The following RUNX2 variants were observed in gnomAD, a reference collection of about 807,000 sequenced individuals.
The protein encoded by RUNX2 is RUNX family transcription factor 2.
RUNX2 carries 10 observed loss-of-function variants against 51.7 expected under a neutral mutation model. The ratio of observed to expected loss-of-function variants is 0.19; its 90% CI spans 0.12 to 0.33. RUNX2 has a LOEUF of 0.33. Ranked by LOEUF, RUNX2 falls within the 10% of genes least tolerant of loss-of-function variation. The pLI is 1.00. For missense variants in RUNX2, 562 were observed against 691.3 expected, an observed-to-expected ratio of 0.81 and a Z score of 2.10; for synonymous variants, 276 against 273.6, an observed-to-expected ratio of 1.01 and a Z score of -0.09.
At chr6:45,331,370 G>A (rs995792774) in intron 2 of RUNX2, among the ~76,000 whole-genome samples, 7 of 151,920 alleles carry the variant, frequency 4.6e-5, no homozygotes, top group African/African-American at 1.4e-4. Context: ...GCTTGAACAT[G>A]ATGTGTGAAC....
At chr6:45,454,845 G>C (rs901029150) in intron 5 of RUNX2, among the ~76,000 whole-genome samples, 1 of 152,214 alleles carries the variant, frequency 6.6e-6, no homozygotes, top group African/African-American at 2.4e-5. Context: ...CGGGCATGCT[G>C]GCTCATGCCT....
At chr6:45,430,406 T>C (rs992332660) in intron 3 of RUNX2, among the ~76,000 whole-genome samples, 5 of 152,090 alleles carry the variant, frequency 3.3e-5, no homozygotes, top group East Asian at 3.9e-4. Flanking sequence ...CAGTACTAAA[T>C]GGAAGGAATG....
chr6:45,452,653 T>TACACAC (rs557163111), intron 5 of RUNX2, among the ~76,000 whole-genome samples: 1 of 151,886 alleles, frequency 6.6e-6, no homozygotes, highest in Non-Finnish European at 1.5e-5. Context: ...ACAAAGCATG[T>TACACAC]ACACACACAC....
At chr6:45,457,272 C>T (rs537755773) in intron 5 of RUNX2, among the ~76,000 whole-genome samples, 23 of 152,168 alleles carry the variant, frequency 1.5e-4, no homozygotes, top group African/African-American at 5.5e-4. Flanking sequence ...GCAGCTTGTT[C>T]ATTACTAAGG....
At chr6:45,541,966 A>C (rs1391959123) in intron 7 of RUNX2, among the ~76,000 whole-genome samples, 1 of 152,164 alleles carries the variant, frequency 6.6e-6, no homozygotes, top group Non-Finnish European at 1.5e-5. Context: ...TCAAATGTCA[A>C]ACAGGTGTGA....
chr6:45,538,466 A>G (rs1802108638), intron 7 of RUNX2, among the ~76,000 whole-genome samples: 1 of 152,096 alleles, frequency 6.6e-6, no homozygotes, highest in Non-Finnish European at 1.5e-5. Context: ...CTGATTTAAG[A>G]TAAGATTACC....
rs185784557 is a variant in RUNX2, at chr6:45,328,638, T to G, written c.-66-23T>G. 11 of 1,610,184 alleles carry G rather than the reference T, an allele frequency of 6.8e-6. No homozygotes were observed. In the African/African-American group the frequency reaches 1.5e-4, roughly 22 times the overall value. On this transcript the variant is annotated intron_variant, in intron 1 of 8. Transcript: ENST00000647337. ...GCATACTGTAAAACTAAAACAAGGT[T>G]TGGGTATGGTTTGTATTTTCAGTTT...
chr6:45,443,114 A>T (rs1193276969), intron 5 of RUNX2, among the ~76,000 whole-genome samples: 1 of 138,786 alleles, frequency 7.2e-6, no homozygotes, highest in African/African-American at 2.8e-5. Context: ...TGCCATGATC[A>T]TAGCTAACTC....
intron 3 of RUNX2, among the ~76,000 whole-genome samples, chr6:45,430,057 G>A (rs1387231077): frequency 6.6e-6 from 1 of 151,042 alleles, no homozygotes; most frequent in East Asian, 2.0e-4. Flanking sequence ...TCGTGCCACT[G>A]CACTCTAGCC....
intron 2 of RUNX2, among the ~76,000 whole-genome samples, chr6:45,346,823 C>A (rs186618293): frequency 1.3e-5 from 2 of 152,056 alleles, no homozygotes; most frequent in Non-Finnish European, 2.9e-5. Context: ...CCTTGGCCCC[C>A]CAAAGTGCTA....
At position 45,544,918 on chromosome 6, in the gene RUNX2, G is replaced by C. The variant is rs115553707; in HGVS notation, c.1022-299G>C. ...AAGCTTGTCAGAATTTCGTTTTTGG[G>C]AGGAATAGGTAGAGGCTAGTTGAGG... On this transcript the variant is annotated intron_variant, in intron 7 of 8. Coordinates refer to ENST00000647337, the MANE Select transcript of RUNX2 (RefSeq NM_001024630.4). Among the ~76,000 whole-genome samples, 2,312 of 152,292 alleles carry C rather than the reference G, an allele frequency of 0.015. 56 individuals carry two copies. The highest frequency in any genetic ancestry group is 0.052 in the African/African-American group (2,167 of 41,546).
chr6:45,512,202 G>A (rs1801176021), intron 6 of RUNX2, 44 bp from the exon 7 acceptor site: 1 of 1,601,284 alleles, frequency 6.2e-7, no homozygotes, highest in East Asian at 2.2e-5. Context: ...TTCTAAGGCT[G>A]CAATGGTTGC....
At chr6:45,376,835 C>G (rs543313812) in intron 2 of RUNX2, among the ~76,000 whole-genome samples, 61 of 151,862 alleles carry the variant, frequency 4.0e-4, no homozygotes, top group African/African-American at 1.4e-3. Flanking sequence ...ACCCCAGGTC[C>G]TCTCCTTCCA....
chr6:45,415,998 A>G (rs1378678293), intron 2 of RUNX2, among the ~76,000 whole-genome samples: 3 of 152,252 alleles, frequency 2.0e-5, no homozygotes, highest in Non-Finnish European at 4.4e-5. Flanking sequence ...AAGATGAGTC[A>G]TTGCTTTTAG....
chr6:45,543,626 T>C (rs960936201), intron 7 of RUNX2, among the ~76,000 whole-genome samples: 3 of 152,204 alleles, frequency 2.0e-5, no homozygotes, highest in African/African-American at 7.2e-5. Flanking sequence ...GTCAAACTTA[T>C]ATTTTGCTTA....
In RUNX2 at chr6:45,547,079, A is replaced by C; in HGVS notation, c.1340A>C (p.Tyr447Ser). The C allele has an allele frequency of 1.2e-6, 2 of 1,614,004 alleles. No homozygotes were observed. The change falls in exon 9 of 9, where the codon TAT becomes TCT. Residue 447 changes from tyrosine (Y) to serine (S), a missense_variant. This residue lies in a region of RUNX2 where 304 missense variants were observed against 353.2 expected (regional missense o/e 0.86). Coordinates refer to ENST00000647337, the MANE Select transcript of RUNX2 (RefSeq NM_001024630.4). ...FQTSSTPYLY[Y>S]GTSSGSYQFP... ...ACCAGCAGCACTCCATATCTCTACTATGGCACTTCGTCAGGATCCTATCAG... is the reference window on the plus strand; with the variant it reads ...ACCAGCAGCACTCCATATCTCTACTCTGGCACTTCGTCAGGATCCTATCAG...
intron 2 of RUNX2, among the ~76,000 whole-genome samples, chr6:45,394,398 A>C (rs1797539496): frequency 6.6e-6 from 1 of 152,176 alleles, no homozygotes; most frequent in Non-Finnish European, 1.5e-5. Flanking sequence ...AGCCATATCA[A>C]ATGTCCTCTA....
At chr6:45,370,009 GTT>G (rs1359865999) in intron 2 of RUNX2, among the ~76,000 whole-genome samples, 1 of 152,108 alleles carries the variant, frequency 6.6e-6, no homozygotes, top group Non-Finnish European at 1.5e-5. Flanking sequence ...GGCCACAGGA[GTT>G]TACATTTCAC....
Position 45,493,528 on chromosome 6 carries a change from T to G in RUNX2, c.859+1414T>G, listed in dbSNP as rs1582170722. Among the ~76,000 whole-genome samples, 4 of 152,038 alleles carry G rather than the reference T, an allele frequency of 2.6e-5. No individual in the cohort carries two copies. The East Asian group carries it at 7.7e-4, about 29-fold the overall frequency. On this transcript the variant is annotated intron_variant, in intron 6 of 8. Coordinates refer to ENST00000647337, the MANE Select transcript of RUNX2 (RefSeq NM_001024630.4). ...AGAGTGGGGGGGCGGTGGTGAGGGT[T>G]GAAAAATGACCCTTGAGTACAATGA...
Sources: gnomAD v4.1 joint callset for allele counts (sites outside exome capture counted in the v4.1 genomes callset) on GRCh38, gnomAD v4.1.1 for gene constraint, gnomAD v4.1.1 regional missense constraint, MANE v1.5 for transcripts, NCBI Gene and HGNC (gene_info 2026-07-23, HGNC 2026-07-21) for gene names.